ANK3: variants seen among roughly 807,000 people sequenced by gnomAD.
ANK3 encodes ankyrin 3, also known as ankyrin-3.
ANK3 carries 57 observed loss-of-function variants against 370.9 expected under a neutral mutation model. The observed-to-expected ratio is 0.15, with a 90% CI of 0.12 to 0.19. The LOEUF is 0.19. Ranked by LOEUF, ANK3 falls within the 10% of genes least tolerant of loss-of-function variation. The probability of loss-of-function intolerance (pLI) is 1.00; values close to 1 mark genes in which losing one functional copy is unlikely to be tolerated. For missense variants in ANK3, 4,439 were observed against 5,302.1 expected (o/e 0.84, Z 5.06); for synonymous variants, 1,929 against 1,946.3 (o/e 0.99, Z 0.23).
At chr10:60,053,114 T>G (rs2078423439) in intron 42 of ANK3, among the ~76,000 whole-genome samples, 1 of 152,194 alleles carries the variant, frequency 6.6e-6, no homozygotes, top group Admixed American at 6.5e-5. Context: ...TATTTTAAAT[T>G]TTTCAGTAAA....
At position 60,042,208 on chromosome 10, in the gene ANK3, G is replaced by A. The variant is rs537796977; in HGVS notation, c.*19+464C>T. On this transcript the variant is annotated intron_variant, in intron 43 of 43. Coordinates refer to ENST00000280772, the MANE Select transcript of ANK3 (RefSeq NM_020987.5). ...TATAAAACACCAGATAGATATGTCA[G>A]TCATTTAATTTAGACTTGGAAAGTC... is the stretch of plus-strand genomic sequence containing the variant. Among the ~76,000 whole-genome samples the A allele has an allele frequency of 5.9e-5, 9 of 152,284 alleles. 1 individual carries two copies. Among genetic ancestry groups the A allele is most frequent in the Admixed American group, 5.9e-4 (9 of 15,296 alleles).
chr10:60,239,313 C>T (rs1324484542), intron 7 of ANK3, among the ~76,000 whole-genome samples: 2 of 151,322 alleles, frequency 1.3e-5, no homozygotes, highest in Non-Finnish European at 3.0e-5. Flanking sequence ...GCAAGATAAA[C>T]AATAAACAAA....
At position 60,074,429 on chromosome 10, in the gene ANK3, G is replaced by A. The variant is rs775877150; in HGVS notation, c.6452C>T (p.Pro2151Leu). ...AGGGATGGGAACTTCATGAAAAAGT[G>A]GTTTAGGACCAGTGCTTTCAGCGCT... ...PQSAESTGPK[P>L]LFHEVPIPPV... The change falls in exon 37 of 44, where the codon CCA becomes CTA. Residue 2151 changes from proline (P) to leucine (L), a missense_variant. Physicochemically the swap from Pro to Leu is moderately conservative, Grantham distance 98. Coordinates refer to ENST00000280772, the MANE Select transcript of ANK3 (RefSeq NM_020987.5). 1 of 1,614,082 alleles carries A rather than the reference G, an allele frequency of 6.2e-7. No homozygotes were observed. Among genetic ancestry groups the A allele is most frequent in the South Asian group, 1.1e-5 (1 of 91,070 alleles).
chr10:60,213,595 C>T, intron 8 of ANK3, 85 bp from the exon 9 acceptor site: 2 of 755,104 alleles, frequency 2.6e-6, no homozygotes, highest in East Asian at 2.9e-5. Flanking sequence ...CAGCATGGCA[C>T]CCAACATGCT....
chr10:60,194,174 G>A (rs891378195), intron 16 of ANK3, among the ~76,000 whole-genome samples: 7 of 151,982 alleles, frequency 4.6e-5, no homozygotes, highest in African/African-American at 1.7e-4. Flanking sequence ...AAAGCACAGA[G>A]GTAAAAATGA....
At position 60,051,273 on chromosome 10, in the gene ANK3, T is replaced by C. The variant is rs1332118329; in HGVS notation, c.13065+4385A>G. Among the ~76,000 whole-genome samples the C allele has an allele frequency of 2.0e-5, 3 of 152,168 alleles. No homozygotes were observed. The East Asian group carries it at 5.8e-4, about 29-fold the overall frequency. On this transcript the variant is annotated intron_variant, in intron 42 of 43. Transcript: ENST00000280772. ...AACCGCCACATATCAAATAGGCCTA[T>C]ACAGAATACCATGCAACATGGCTTC... is the stretch of plus-strand genomic sequence containing the variant.
At chr10:60,471,064 C>T (rs1165328016) in intron 2 of ANK3, among the ~76,000 whole-genome samples, 3 of 152,110 alleles carry the variant, frequency 2.0e-5, no homozygotes, top group Admixed American at 1.3e-4. Flanking sequence ...ACTGCTCTAG[C>T]CTTTTGACAT....
At position 60,463,744 on chromosome 10, in the gene ANK3, TC is replaced by T. The variant is rs552167595; in HGVS notation, c.96+151441del. On this transcript the variant is annotated intron_variant, in intron 2 of 43. Coordinates refer to the ANK3 transcript ENST00000373827. Reference sequence around the variant, plus strand: ...TTTTTTTGAGACAGATAATAGATTTTCTTTACACTTTTCATTTCTACTTTTT... The same window carrying T: ...TTTTTTTGAGACAGATAATAGATTTTTTTACACTTTTCATTTCTACTTTTT... Among the ~76,000 whole-genome samples the T allele has an allele frequency of 2.0e-3, 299 of 152,090 alleles. No homozygotes were observed. In the Middle Eastern group the frequency reaches 0.024, roughly 12 times the overall value.
chr10:60,604,751 A>C (rs1344509006), intron 2 of ANK3, among the ~76,000 whole-genome samples: 1 of 152,200 alleles, frequency 6.6e-6, no homozygotes, highest in Non-Finnish European at 1.5e-5. Flanking sequence ...CCCATCTATA[A>C]CATTTTCAAT....
chr10:60,423,097 C>T (rs2063810851), intron 2 of ANK3, among the ~76,000 whole-genome samples: 1 of 151,980 alleles, frequency 6.6e-6, no homozygotes, highest in Non-Finnish European at 1.5e-5. Flanking sequence ...AAAACACCTC[C>T]AGATAATTTT....
chr10:60,069,711 T>A lies in ANK3; in HGVS notation c.11170A>T (p.Met3724Leu). ...GTCATGGTGGATGCAGAAATTCCCATTTTTATAGGCGTGCGCAACTTGGGG... is the reference window on the plus strand; with the variant it reads ...GTCATGGTGGATGCAGAAATTCCCAATTTTATAGGCGTGCGCAACTTGGGG... ...VDPKLRTPIK[M>L]GISASTMTMK... Residue 3724 changes from methionine (M) to leucine (L), a missense_variant, in exon 37 of 44, where the codon ATG (methionine) becomes TTG (leucine). Physicochemically the swap from Met to Leu is conservative, Grantham distance 15. Coordinates refer to ENST00000280772, the MANE Select transcript of ANK3 (RefSeq NM_020987.5). 6.2e-7 allele frequency: 1 copy of A among 1,613,770 alleles called. No homozygotes were observed. The highest frequency in any genetic ancestry group is 8.5e-7 in the Non-Finnish European group (1 of 1,179,922).
At chr10:60,586,182 T>A (rs2077828914) in intron 2 of ANK3, among the ~76,000 whole-genome samples, 1 of 152,088 alleles carries the variant, frequency 6.6e-6, no homozygotes, top group African/African-American at 2.4e-5. Flanking sequence ...GATGGTACAG[T>A]CTTCAATAAT....
intron 1 of ANK3, among the ~76,000 whole-genome samples, chr10:60,339,788 T>C (rs1274042845): frequency 6.6e-6 from 1 of 152,178 alleles, no homozygotes; most frequent in African/African-American, 2.4e-5. Context: ...TACTAGGAAT[T>C]ACTGGAGCGG....
chr10:60,488,280 G>A (rs1375577101), intron 2 of ANK3, among the ~76,000 whole-genome samples: 7 of 152,144 alleles, frequency 4.6e-5, no homozygotes, highest in Non-Finnish European at 1.0e-4. Context: ...TTGCTTCAAA[G>A]TCTAAATGCT....
chr10:60,080,025 G>A (rs1589691436), intron 36 of ANK3, among the ~76,000 whole-genome samples: 1 of 151,696 alleles, frequency 6.6e-6, no homozygotes, highest in East Asian at 1.9e-4. Context: ...GAGGGAGGGA[G>A]GAAAGAAGAA....
In ANK3 at chr10:60,100,234, GTT is replaced by G. The variant is rs3045340; in HGVS notation, c.3328+5669_3328+5670del. On this transcript the variant is annotated intron_variant, in intron 28 of 43. Coordinates refer to ENST00000280772, the MANE Select transcript of ANK3 (RefSeq NM_020987.5). ...GGCTGAAAGTCAGTATTTTGCTATGGTTTTTTTTTTTTTTTTTTTTTTGCACC... is the reference window on the plus strand; with the variant it reads ...GGCTGAAAGTCAGTATTTTGCTATGGTTTTTTTTTTTTTTTTTTTTGCACC... 5.0e-3 allele frequency among the ~76,000 whole-genome samples: 290 copies of G among 57,908 alleles called. 5 individuals are homozygous for G. Among genetic ancestry groups the G allele is most frequent in the African/African-American group, 0.024 (277 of 11,744 alleles). The allele number at this position is 57,908 out of a possible 152,430, so 38.0% of individuals were successfully genotyped here.
chr10:60,599,656 C>T (rs537314943), intron 2 of ANK3, among the ~76,000 whole-genome samples: 1 of 152,314 alleles, frequency 6.6e-6, no homozygotes, highest in South Asian at 2.1e-4. Context: ...AGGACTCTCA[C>T]AATGATATCC....
At chr10:60,411,527 C>A (rs927555840) in intron 2 of ANK3, among the ~76,000 whole-genome samples, 2 of 152,184 alleles carry the variant, frequency 1.3e-5, no homozygotes, top group Non-Finnish European at 2.9e-5. Context: ...GCTTCTCAGT[C>A]TCTGGAGGGG....
At chr10:60,351,074 G>A (rs1390029092) in intron 1 of ANK3, among the ~76,000 whole-genome samples, 1 of 151,932 alleles carries the variant, frequency 6.6e-6, no homozygotes, top group Admixed American at 6.6e-5. Flanking sequence ...CAATGACAAA[G>A]GCCAGGCTTA....
Sources: gnomAD v4.1 joint callset for allele counts (sites outside exome capture counted in the v4.1 genomes callset) on GRCh38, gnomAD v4.1.1 for gene constraint, MANE v1.5 for transcripts, NCBI Gene and HGNC (gene_info 2026-07-23, HGNC 2026-07-21) for gene names.